The following NCOA1 variants were observed in gnomAD, a reference collection of about 807,000 sequenced individuals.
NCOA1 encodes the protein nuclear receptor coactivator 1.
NCOA1 carries 35 observed loss-of-function variants against 150.9 expected under a neutral mutation model. That is an observed-to-expected ratio of 0.23 (90% confidence interval 0.18 to 0.31). The LOEUF is 0.31. Ranked by LOEUF, NCOA1 falls within the 10% of genes least tolerant of loss-of-function variation. The pLI is 1.00. For synonymous variants in NCOA1, 590 were observed against 630.0 expected (o/e 0.94, Z 0.95); for missense variants, 1,491 against 1,749.3 (o/e 0.85, Z 2.63).
chr2:24,700,584 G>C (rs1673112505), intron 11 of NCOA1, among the ~76,000 whole-genome samples: 1 of 152,152 alleles, frequency 6.6e-6, no homozygotes, highest in South Asian at 2.1e-4. Flanking sequence ...TTAGATTAAA[G>C]CCACGGTTTT....
At chr2:24,684,327 G>A (rs1672308979) in intron 8 of NCOA1, among the ~76,000 whole-genome samples, 1 of 152,162 alleles carries the variant, frequency 6.6e-6, no homozygotes, top group Non-Finnish European at 1.5e-5. Flanking sequence ...CAGCCTTCCT[G>A]GTTGGAAAGA....
intron 17 of NCOA1, among the ~76,000 whole-genome samples, chr2:24,736,473 T>C (rs1046991441): frequency 6.6e-6 from 1 of 152,170 alleles, no homozygotes; most frequent in African/African-American, 2.4e-5. Flanking sequence ...TATCTGACAT[T>C]ATAAGAACCA....
At chr2:24,710,728 C>G (rs921936134) in intron 13 of NCOA1, among the ~76,000 whole-genome samples, 4 of 151,872 alleles carry the variant, frequency 2.6e-5, no homozygotes, top group Non-Finnish European at 5.9e-5. Flanking sequence ...ATACTATTAT[C>G]AGAAGCATCC....
At chr2:24,540,279 A>G (rs1039883538) in intron 1 of NCOA1, among the ~76,000 whole-genome samples, 2 of 152,224 alleles carry the variant, frequency 1.3e-5, no homozygotes, top group African/African-American at 2.4e-5. Context: ...TTTTAGACAG[A>G]TAGGGAATTT....
intron 17 of NCOA1, among the ~76,000 whole-genome samples, chr2:24,735,574 C>T (rs181956641): frequency 6.6e-6 from 1 of 152,080 alleles, no homozygotes; most frequent in East Asian, 1.9e-4. Flanking sequence ...GAGTATATCT[C>T]ACTGGCTGGT....
At chr2:24,586,085 G>A (rs1667392914) in intron 3 of NCOA1, among the ~76,000 whole-genome samples, 1 of 151,558 alleles carries the variant, frequency 6.6e-6, no homozygotes, top group Non-Finnish European at 1.5e-5. Context: ...GACCAGCCTG[G>A]GCAACATGGA....
intron 3 of NCOA1, among the ~76,000 whole-genome samples, chr2:24,640,530 G>A (rs149572447): frequency 1.3e-5 from 2 of 152,044 alleles, no homozygotes; most frequent in East Asian, 1.9e-4. Context: ...GATTCTGGCC[G>A]GGCATGGTGG....
chr2:24,747,790 C>G (rs1664010550), intron 19 of NCOA1, among the ~76,000 whole-genome samples: 1 of 150,766 alleles, frequency 6.6e-6, no homozygotes, highest in Admixed American at 6.6e-5. Flanking sequence ...ACAAAAAACC[C>G]ACCCTCTAGA....
chr2:24,713,479 A>G (rs1414478103), intron 14 of NCOA1, among the ~76,000 whole-genome samples: 6 of 152,236 alleles, frequency 3.9e-5, no homozygotes, highest in African/African-American at 1.4e-4. Flanking sequence ...AGAGAAGTTA[A>G]TTCCATACAG....
At chr2:24,713,003 C>T (rs1190991807) in intron 14 of NCOA1, among the ~76,000 whole-genome samples, 3 of 151,882 alleles carry the variant, frequency 2.0e-5, no homozygotes, top group Admixed American at 6.6e-5. Flanking sequence ...CTGAGGCAAG[C>T]GGATCACCTG....
In NCOA1 at chr2:24,673,471, T is replaced by C; in HGVS notation, c.354+8T>C. On this transcript the variant is annotated splice_region_variant and intron_variant, in intron 7 of 22. Transcript: ENST00000348332. ...GGACCTCTTCTTTTGGAGGTAGGTG[T>C]CTTCATTGACTCAGAAAGTGATTAA... is the stretch of plus-strand genomic sequence containing the variant. 3 of 1,559,756 alleles carry C rather than the reference T, an allele frequency of 1.9e-6. No homozygotes were observed. The South Asian group carries it at 3.7e-5, about 19-fold the overall frequency.
chr2:24,599,459 C>A (rs936937105), intron 3 of NCOA1, among the ~76,000 whole-genome samples: 26 of 152,232 alleles, frequency 1.7e-4, no homozygotes, highest in African/African-American at 5.8e-4. Flanking sequence ...GACAAAGCAA[C>A]AAAAACTGTA....
intron 1 of NCOA1, among the ~76,000 whole-genome samples, chr2:24,504,106 A>T (rs993599736): frequency 1.3e-5 from 2 of 151,224 alleles, no homozygotes; most frequent in African/African-American, 4.9e-5. Flanking sequence ...CTTGTACCAC[A>T]GTGCTTTCAT....
intron 20 of NCOA1, among the ~76,000 whole-genome samples, chr2:24,757,456 T>C (rs56091584): frequency 0.043 from 6,486 of 152,206 alleles, 219 homozygotes; most frequent in African/African-American, 0.094. Flanking sequence ...TTAATAGAGA[T>C]GAGAAATAAG....
chr2:24,586,325 C>T (rs1040345294), intron 3 of NCOA1, among the ~76,000 whole-genome samples: 3 of 151,060 alleles, frequency 2.0e-5, no homozygotes, highest in African/African-American at 7.3e-5. Flanking sequence ...GTGATGTGCG[C>T]CTGTGGTCCC....
At chr2:24,587,748 C>T (rs1667476177) in intron 3 of NCOA1, among the ~76,000 whole-genome samples, 1 of 152,144 alleles carries the variant, frequency 6.6e-6, no homozygotes, top group South Asian at 2.1e-4. Flanking sequence ...TAGCTTTCTT[C>T]TTTACAGTAT....
rs1000357865 is a variant in NCOA1 at position 24,752,142 on chromosome 2, G to T, written c.3867G>T (p.Ala1289=). The change falls in exon 20 of 23, where the codon GCG becomes GCT. Residue 1289 remains alanine (A), a synonymous_variant. Transcript: ENST00000348332. ...SPDMKAWQQG[A]IGNNNVFSQA... is the part of the protein sequence containing the mutation. ...ACATGAAGGCCTGGCAGCAAGGAGC[G>T]ATAGGAAACAACAAGTAAGGGGGCA... The T allele has an allele frequency of 6.2e-7, 1 of 1,613,890 alleles. No individual in the cohort carries two copies. The highest frequency in any genetic ancestry group is 8.5e-7 in the Non-Finnish European group (1 of 1,179,916).
intron 12 of NCOA1, among the ~76,000 whole-genome samples, chr2:24,706,221 A>G (rs1241671945): frequency 6.6e-6 from 1 of 152,114 alleles, no homozygotes; most frequent in Non-Finnish European, 1.5e-5. Context: ...AATTGTGTAT[A>G]TTAGGCTTAG....
intron 19 of NCOA1, among the ~76,000 whole-genome samples, chr2:24,749,655 G>T (rs768435018): frequency 1.3e-5 from 2 of 152,088 alleles, no homozygotes; most frequent in African/African-American, 4.8e-5. Flanking sequence ...AGACCTAAAA[G>T]AATTAACCTG....
Sources: gnomAD v4.1 joint callset for allele counts (sites outside exome capture counted in the v4.1 genomes callset) on GRCh38, gnomAD v4.1.1 for gene constraint, MANE v1.5 for transcripts, NCBI Gene and HGNC (gene_info 2026-07-23, HGNC 2026-07-21) for gene names.